Variants in STK39 observed in about 807,000 individuals in gnomAD.
The protein encoded by STK39 is serine/threonine kinase 39.
In STK39, 20 loss-of-function variants were observed where a neutral mutation model predicts 77.8. That is an observed-to-expected ratio of 0.26 (90% confidence interval 0.18 to 0.37). STK39 has a LOEUF of 0.37. Among genes scored for constraint, STK39 ranks in the 10% least tolerant of loss-of-function variants. The pLI is 1.00. For missense variants in STK39, 479 were observed against 656.5 expected (o/e 0.73, Z 2.95); for synonymous variants, 246 against 234.1 (o/e 1.05, Z -0.47).
intron 16 of STK39, among the ~76,000 whole-genome samples, chr2:167,998,390 T>C (rs1450175897): frequency 1.3e-5 from 2 of 152,242 alleles, no homozygotes; most frequent in Non-Finnish European, 2.9e-5. Flanking sequence ...GCAGGTTTGC[T>C]TTAGCCCAAT....
intron 14 of STK39, among the ~76,000 whole-genome samples, chr2:168,050,064 T>C (rs576641190): frequency 6.6e-6 from 1 of 152,332 alleles, no homozygotes; most frequent in Non-Finnish European, 1.5e-5. Context: ...TACTTCCATA[T>C]GATTGTCTCA....
intron 15 of STK39, among the ~76,000 whole-genome samples, chr2:168,014,761 C>T (rs13029090): frequency 0.14 from 21,201 of 152,222 alleles, 1,683 homozygotes; most frequent in Middle Eastern, 0.18. Flanking sequence ...TCTGCTGAAG[C>T]ATCTGGATGT....
chr2:168,016,847 T>C (rs1333500954), intron 15 of STK39, among the ~76,000 whole-genome samples, 196 bp downstream of exon 15: 2 of 152,194 alleles, frequency 1.3e-5, no homozygotes, highest in African/African-American at 4.8e-5. Flanking sequence ...CATGTGTCAC[T>C]GAGATTCATG....
chr2:168,135,970 T>G (rs1687822316), intron 8 of STK39, among the ~76,000 whole-genome samples: 1 of 142,488 alleles, frequency 7.0e-6, no homozygotes, highest in Non-Finnish European at 1.5e-5. Flanking sequence ...ATATGTTATA[T>G]GACGCTCTTC....
chr2:168,143,548 T>TA (rs1424081437), intron 5 of STK39, among the ~76,000 whole-genome samples: 3 of 151,910 alleles, frequency 2.0e-5, no homozygotes, highest in Non-Finnish European at 4.4e-5. Context: ...CCATCTCTAC[T>TA]AAAAAAATAC....
chr2:168,211,044 C>T lies in STK39; in HGVS notation c.209-28954G>A, dbSNP rs900328601. ...AAAGAGAAAGTATAACGTATTAGTC[C>T]GTTTTCTCTATTTACGTAATCACAA... On this transcript the variant is annotated intron_variant, in intron 1 of 17. Transcript: ENST00000355999. 2.6e-5 allele frequency among the ~76,000 whole-genome samples: 4 copies of T among 151,986 alleles called. No individual in the cohort carries two copies. The South Asian group carries it at 8.3e-4, about 32-fold the overall frequency.
chr2:168,031,578 G>T (rs549232911), intron 14 of STK39, among the ~76,000 whole-genome samples: 1 of 152,322 alleles, frequency 6.6e-6, no homozygotes, highest in South Asian at 2.1e-4. Flanking sequence ...GGTAATTAAA[G>T]TTAAGTGAGA....
At chr2:168,088,916 T>C (rs946238850) in intron 10 of STK39, among the ~76,000 whole-genome samples, 2 of 152,198 alleles carry the variant, frequency 1.3e-5, no homozygotes, top group African/African-American at 4.8e-5. Context: ...AAATCACCCT[T>C]ATTACTTATA....
intron 10 of STK39, among the ~76,000 whole-genome samples, chr2:168,099,043 C>A (rs1447099831): frequency 3.9e-5 from 6 of 152,208 alleles, no homozygotes; most frequent in Admixed American, 3.9e-4. Context: ...CAGCTGACAT[C>A]TCAGTTGAGG....
intron 8 of STK39, among the ~76,000 whole-genome samples, chr2:168,131,940 T>A (rs1687708033): frequency 6.6e-6 from 1 of 152,224 alleles, no homozygotes; most frequent in South Asian, 2.1e-4. Flanking sequence ...TGCTAGGTGC[T>A]AGGCATACTA....
At chr2:168,080,130 T>C (rs904280691) in intron 10 of STK39, among the ~76,000 whole-genome samples, 3 of 152,204 alleles carry the variant, frequency 2.0e-5, no homozygotes, top group Non-Finnish European at 4.4e-5. Flanking sequence ...GCTCTTGTTA[T>C]GTTTCAGCAA....
chr2:168,204,560 C>T (rs577704200), intron 1 of STK39, among the ~76,000 whole-genome samples: 4 of 152,312 alleles, frequency 2.6e-5, no homozygotes, highest in Admixed American at 6.5e-5. Context: ...CTGGAGGAAA[C>T]GATTCTGAAG....
At chr2:167,989,677 A>T (rs1295689268) in intron 16 of STK39, among the ~76,000 whole-genome samples, 3 of 152,290 alleles carry the variant, frequency 2.0e-5, no homozygotes, top group South Asian at 4.1e-4. Flanking sequence ...ATCCCTATTT[A>T]CATATCCAGA....
intron 3 of STK39, 150 bp from the exon 4 acceptor site, chr2:168,164,030 G>A: frequency 8.2e-7 from 1 of 1,221,398 alleles, no homozygotes; most frequent in South Asian, 1.6e-5. Flanking sequence ...ATTGAATGGG[G>A]GCCCCATGAC....
chr2:168,088,190 A>T (rs1325714011), intron 10 of STK39, among the ~76,000 whole-genome samples: 2 of 152,228 alleles, frequency 1.3e-5, no homozygotes, highest in Non-Finnish European at 2.9e-5. Flanking sequence ...GATTTTTTTC[A>T]ACATACAAAT....
chr2:168,141,706 A>G (rs1687988785), intron 5 of STK39, among the ~76,000 whole-genome samples: 1 of 152,238 alleles, frequency 6.6e-6, no homozygotes, highest in Non-Finnish European at 1.5e-5. Context: ...GCAACACATC[A>G]AAACACCACA....
At chr2:168,234,784 C>T (rs1469255073) in intron 1 of STK39, among the ~76,000 whole-genome samples, 1 of 151,870 alleles carries the variant, frequency 6.6e-6, no homozygotes, top group Non-Finnish European at 1.5e-5. Flanking sequence ...CATTTTAATG[C>T]CCCTAAAGAC....
At chr2:168,033,168 G>A (rs537880159) in intron 14 of STK39, among the ~76,000 whole-genome samples, 8 of 152,098 alleles carry the variant, frequency 5.3e-5, no homozygotes, top group South Asian at 4.2e-4. Flanking sequence ...TATATTAAAT[G>A]TAAGTATACT....
rs146185547 is a variant in STK39 at position 168,064,285 on chromosome 2, C to T, written c.1306-715G>A. On this transcript the variant is annotated intron_variant, in intron 13 of 17. Coordinates refer to ENST00000355999, the MANE Select transcript of STK39 (RefSeq NM_013233.3). ...TACTAGTTATCCTAATCCCTGTTCC[C>T]GTTTCCTTTACTCTCTTTGCCCTCT... Among the ~76,000 whole-genome samples, 1,469 of 152,234 alleles carry T rather than the reference C, an allele frequency of 9.6e-3. 22 individuals are homozygous for T. The highest frequency in any genetic ancestry group is 0.034 in the African/African-American group (1,406 of 41,532).
Sources: gnomAD v4.1 joint callset for allele counts (sites outside exome capture counted in the v4.1 genomes callset) on GRCh38, gnomAD v4.1.1 for gene constraint, MANE v1.5 for transcripts, NCBI Gene and HGNC (gene_info 2026-07-23, HGNC 2026-07-21) for gene names.